Variants in EBAG9 observed in about 807,000 individuals in gnomAD.
EBAG9 encodes the protein estrogen receptor binding site associated antigen 9.
EBAG9 carries 16 observed loss-of-function variants against 30.9 expected under a neutral mutation model. The ratio of observed to expected loss-of-function variants is 0.52; its 90% CI spans 0.35 to 0.79. The LOEUF is 0.79. Ranked by LOEUF, EBAG9 falls within the 30% of genes least tolerant of loss-of-function variation. The probability of loss-of-function intolerance (pLI) is 0.01; values close to 1 mark genes in which losing one functional copy is unlikely to be tolerated. For missense variants in EBAG9, 197 were observed against 242.1 expected, an observed-to-expected ratio of 0.81 and a Z score of 1.24; for synonymous variants, 93 against 82.8, an observed-to-expected ratio of 1.12 and a Z score of -0.67.
Position 109,553,799 on chromosome 8 carries a change from A to G in EBAG9, c.84-66A>G, listed in dbSNP as rs1821540785. The G allele has an allele frequency of 1.1e-5, 14 of 1,283,434 alleles. No homozygotes were observed. The South Asian group carries it at 1.7e-4, about 16-fold the overall frequency. The allele number at this position is 1,283,434 out of a possible 1,614,324, so 79.5% of individuals were successfully genotyped here. A position where few individuals can be genotyped will look rare whatever the true frequency, so the allele number is the denominator to read the frequency against. On this transcript the variant is annotated intron_variant, in intron 2 of 6. Coordinates refer to ENST00000337573, the MANE Select transcript of EBAG9 (RefSeq NM_004215.5). ...TTTTATAAGCCTTCAATTACCATAC[A>G]TAATAGTGCTTTTACTTTGCTTGTT...
chr8:109,549,651 A>G (rs1821454345), intron 1 of EBAG9, among the ~76,000 whole-genome samples: 1 of 152,070 alleles, frequency 6.6e-6, no homozygotes, highest in Non-Finnish European at 1.5e-5. Flanking sequence ...TACAGGCACA[A>G]AGGTGTTTGT....
intron 1 of EBAG9, among the ~76,000 whole-genome samples, chr8:109,544,051 A>G (rs922986639): frequency 5.3e-5 from 8 of 151,350 alleles, no homozygotes; most frequent in African/African-American, 1.5e-4. Context: ...AAAAAAAAAA[A>G]AAGTATGTTA....
At chr8:109,557,934 G>A (rs1390878348) in intron 5 of EBAG9, 6 of 250,494 alleles carry the variant, frequency 2.4e-5, no homozygotes, top group South Asian at 1.1e-4. Context: ...GTTATAAGAC[G>A]GTGAGAGCAC....
At chr8:109,560,742 G>A in intron 5 of EBAG9, 96 bp from the exon 6 acceptor site, 1 of 802,728 alleles carries the variant, frequency 1.2e-6, no homozygotes, top group Non-Finnish European at 2.0e-6. Flanking sequence ...GAGAATGACA[G>A]GTTCTGAGTT....
chr8:109,551,100 T>C (rs1192160999), intron 2 of EBAG9, among the ~76,000 whole-genome samples, 193 bp downstream of exon 2: 1 of 152,094 alleles, frequency 6.6e-6, no homozygotes, highest in East Asian at 1.9e-4. Flanking sequence ...GAGGTTCAGT[T>C]GTTTTGTTCA....
At position 109,564,556 on chromosome 8, in the gene EBAG9, A is replaced by C. The variant is rs538061239; in HGVS notation, c.639A>C (p.Ser213=). ...AAAACAAAATTGGTGTGAAACTTTC[A>C]TAACACATGTTCAAATTTTATCATG... ...KEQNKIGVKL[S] The change falls in exon 7 of 7, where the codon TCA becomes TCC. Residue 213 remains serine, a synonymous_variant. Coordinates refer to ENST00000337573, the MANE Select transcript of EBAG9 (RefSeq NM_004215.5). The C allele has an allele frequency of 2.5e-6, 4 of 1,611,616 alleles. No individual in the cohort carries two copies. The African/African-American group carries it at 5.3e-5, about 22-fold the overall frequency.
chr8:109,557,886 G>A (rs2131126244), intron 5 of EBAG9: 1 of 277,166 alleles, frequency 3.6e-6, no homozygotes, highest in South Asian at 3.0e-5. Flanking sequence ...GGAGCTGCTT[G>A]AATTTCTTTA....
chr8:109,564,634 A>G lies in EBAG9; in HGVS notation c.*75A>G. ...CCCAAGCAACATTTGTATGGATTTA[A>G]GAGTATTTTAAGAAGACATACTGCT... On this transcript the variant is annotated 3_prime_UTR_variant, in exon 7 of 7. Coordinates refer to ENST00000337573, the MANE Select transcript of EBAG9 (RefSeq NM_004215.5). 6.3e-7 allele frequency: 1 copy of G among 1,577,422 alleles called. No homozygotes were observed. Among genetic ancestry groups the G allele is most frequent in the Non-Finnish European group, 8.6e-7 (1 of 1,160,772 alleles).
rs1821775343 is a variant in EBAG9, at chr8:109,564,439, A to G, written c.522A>G (p.Arg174=). 1 of 1,611,032 alleles carries G rather than the reference A, an allele frequency of 6.2e-7. No individual in the cohort carries two copies. Among genetic ancestry groups the G allele is most frequent in the Non-Finnish European group, 8.5e-7 (1 of 1,178,486 alleles). Residue 174 remains arginine (R), a splice_region_variant and synonymous_variant, in exon 7 of 7, where the codon AGA becomes AGG. Coordinates refer to ENST00000337573, the MANE Select transcript of EBAG9 (RefSeq NM_004215.5). ...AAAGTAAAAGTATGTTTCTTTTCAG[A>G]CAGCAGAAACTAGCAGACAGAGAAA... The part of the protein sequence containing the change: ...DAAWQAEEVL[R]QQKLADREKR...
chr8:109,558,590 A>G (rs1053444655), intron 5 of EBAG9, among the ~76,000 whole-genome samples: 2 of 152,080 alleles, frequency 1.3e-5, no homozygotes, highest in African/African-American at 4.8e-5. Context: ...TTAAATATAC[A>G]ACTACTTACA....
chr8:109,553,633 C>T (rs77486139), intron 2 of EBAG9, among the ~76,000 whole-genome samples: 4,028 of 152,156 alleles, frequency 0.026, 76 homozygotes, highest in African/African-American at 0.058. Flanking sequence ...AATTCTGAGT[C>T]CTAAGCCAAA....
chr8:109,549,288 G>A (rs536433869), intron 1 of EBAG9, among the ~76,000 whole-genome samples: 1 of 151,950 alleles, frequency 6.6e-6, no homozygotes, highest in South Asian at 2.1e-4. Flanking sequence ...TATATTGTTG[G>A]ATTTAATTTA....
chr8:109,556,940 T>A lies in EBAG9; in HGVS notation c.327T>A (p.Val109=). The A allele has an allele frequency of 6.4e-7, 1 of 1,574,718 alleles. No homozygotes were observed. The highest frequency in any genetic ancestry group is 8.6e-7 in the Non-Finnish European group (1 of 1,156,224). The change falls in exon 5 of 7, where the codon GTT becomes GTA. Residue 109 remains valine (V), a synonymous_variant. Coordinates refer to ENST00000337573, the MANE Select transcript of EBAG9 (RefSeq NM_004215.5). The part of the protein sequence containing the change: ...TPTIRKTQKI[V]IKKREPLNFG... ...TTTTTCAATTAATCTTTCAGATTGT[T>A]ATTAAGAAGAGAGAACCATTGAATT...
intron 1 of EBAG9, among the ~76,000 whole-genome samples, chr8:109,544,880 A>G (rs1261752184): frequency 6.6e-6 from 1 of 152,218 alleles, no homozygotes; most frequent in Non-Finnish European, 1.5e-5. Context: ...AACTTGTGCC[A>G]AAACTCATCT....
At position 109,555,067 on chromosome 8, in the gene EBAG9, T is replaced by C. The variant is rs183754472; in HGVS notation, c.321+180T>C. 2.1e-4 allele frequency among the ~76,000 whole-genome samples: 32 copies of C among 152,104 alleles called. 1 individual carries two copies. In the East Asian group the frequency reaches 5.8e-3, roughly 28 times the overall value. On this transcript the variant is annotated intron_variant, in intron 4 of 6. Coordinates refer to ENST00000337573, the MANE Select transcript of EBAG9 (RefSeq NM_004215.5). ...GTTACATATGTATACATGTGCCATG[T>C]TGGTGTGCTGCACCCATCAACTCGT...
At chr8:109,548,319 TA>T (rs1167808595) in intron 1 of EBAG9, among the ~76,000 whole-genome samples, 1 of 152,192 alleles carries the variant, frequency 6.6e-6, no homozygotes, top group Non-Finnish European at 1.5e-5. Flanking sequence ...TACGTGGGTC[TA>T]TTCCTTTACT....
intron 1 of EBAG9, among the ~76,000 whole-genome samples, chr8:109,546,256 GTCT>G (rs1217262220): frequency 6.6e-6 from 1 of 152,166 alleles, no homozygotes; most frequent in Non-Finnish European, 1.5e-5. Context: ...GTTCAAAAAT[GTCT>G]TCGTGTAGAT....
In EBAG9 at chr8:109,564,661, G is replaced by A; in HGVS notation, c.*102G>A. ...AGTATTTTAAGAAGACATACTGCTT[G>A]ATTTTAATACATTGATCAGGCCATC... On this transcript the variant is annotated 3_prime_UTR_variant, in exon 7 of 7. Transcript: ENST00000337573. The A allele has an allele frequency of 6.7e-7, 1 of 1,498,508 alleles. No homozygotes were observed. Among genetic ancestry groups the A allele is most frequent in the Admixed American group, 2.1e-5 (1 of 48,774 alleles). The allele number at this position is 1,498,508 out of a possible 1,614,324, so 92.8% of individuals were successfully genotyped here. A position where few individuals can be genotyped will look rare whatever the true frequency, so the allele number is the denominator to read the frequency against.
At chr8:109,543,331 A>G (rs2131097021) in intron 1 of EBAG9, among the ~76,000 whole-genome samples, 1 of 151,974 alleles carries the variant, frequency 6.6e-6, no homozygotes, top group East Asian at 1.9e-4. Flanking sequence ...TTAATAGCCT[A>G]CAAGCCCCTT....
Sources: allele counts gnomAD v4.1 joint callset (sites outside exome capture counted in the v4.1 genomes callset), GRCh38; gene constraint gnomAD v4.1.1; transcripts MANE v1.5; gene names NCBI Gene and HGNC (gene_info 2026-07-23, HGNC 2026-07-21).